Variants in CHLSN observed in about 807,000 individuals in gnomAD.
The protein encoded by CHLSN is protein cholesin.
chr7:990,465 G>A, the CHLSN span, among the ~76,000 whole-genome samples: 2 of 151,938 alleles, frequency 1.3e-5, no homozygotes, highest in Non-Finnish European at 2.9e-5. Context: ...AGCGGCAGGC[G>A]GCCCCTCACC....
chr7:1,024,460 G>C, the CHLSN span: 2 of 152,282 alleles, frequency 1.3e-5, no homozygotes, highest in Admixed American at 1.3e-4. Context: ...GGGGACAAGA[G>C]AGACGCAGAA....
chr7:1,071,775 G>T, the CHLSN span, among the ~76,000 whole-genome samples: 1 of 152,232 alleles, frequency 6.6e-6, no homozygotes, highest in Non-Finnish European at 1.5e-5. Flanking sequence ...CATGGGACAA[G>T]GTGGAATGGC....
At chr7:1,071,046 G>A in the CHLSN span, among the ~76,000 whole-genome samples, 2 of 152,326 alleles carry the variant, frequency 1.3e-5, no homozygotes, top group East Asian at 1.9e-4. Context: ...ATGCAGCCCC[G>A]AGGCAGTGCC....
At chr7:999,253 G>A in the CHLSN span, among the ~76,000 whole-genome samples, 1 of 152,252 alleles carries the variant, frequency 6.6e-6, no homozygotes, top group East Asian at 1.9e-4. Context: ...AAACCCAGTT[G>A]TCCCTGGCTC....
the CHLSN span, among the ~76,000 whole-genome samples, chr7:1,054,863 CTGTGCCTCTGA>C: frequency 5.9e-5 from 9 of 152,264 alleles, no homozygotes; most frequent in Non-Finnish European, 1.5e-5. Context: ...TCGGCCTCCG[CTGTGCCTCTGA>C]GGACTCCTGT....
At chr7:1,028,877 A>G in the CHLSN span, 1 of 613,076 alleles carries the variant, frequency 1.6e-6, no homozygotes, top group Non-Finnish European at 1.8e-6. Context: ...AATCTGCCCC[A>G]TCTCTCCCCA....
At chr7:1,133,392 C>CAAA in the CHLSN span, among the ~76,000 whole-genome samples, 4,639 of 90,898 alleles carry the variant, frequency 0.051, 189 homozygotes, top group African/African-American at 0.12. Context: ...CGATATACTG[C>CAAA]AAAAAAAAAA....
chr7:1,104,332 G>A, the CHLSN span, among the ~76,000 whole-genome samples: 13 of 152,224 alleles, frequency 8.5e-5, no homozygotes, highest in African/African-American at 3.1e-4. Context: ...CCAGGACTTC[G>A]AGGCTGCAGT....
chr7:1,064,157 C>T, the CHLSN span, among the ~76,000 whole-genome samples: 1 of 152,338 alleles, frequency 6.6e-6, no homozygotes, highest in East Asian at 1.9e-4. Flanking sequence ...CACACAAACA[C>T]ACACGTCTGT....
At chr7:1,092,637 C>A in the CHLSN span, 4 of 1,612,742 alleles carry the variant, frequency 2.5e-6, no homozygotes, top group African/African-American at 1.3e-5. Flanking sequence ...ATGCCCACCC[C>A]CTCACGGGCC....
At chr7:1,114,955 T>G in the CHLSN span, among the ~76,000 whole-genome samples, 1 of 152,196 alleles carries the variant, frequency 6.6e-6, no homozygotes, top group African/African-American at 2.4e-5. Context: ...AGCAACCCCA[T>G]AAGCACCAAA....
the CHLSN span, chr7:988,732 C>A: frequency 6.3e-7 from 1 of 1,599,490 alleles, no homozygotes; most frequent in Non-Finnish European, 8.5e-7. Flanking sequence ...CCCCGCCTGG[C>A]GTCAGTCCGG....
the CHLSN span, among the ~76,000 whole-genome samples, chr7:1,077,291 G>A: frequency 6.6e-6 from 1 of 152,238 alleles, no homozygotes; most frequent in Non-Finnish European, 1.5e-5. Flanking sequence ...AAGTAGCTGG[G>A]ACTACAGGCT....
the CHLSN span, among the ~76,000 whole-genome samples, chr7:1,079,931 C>T: frequency 6.6e-6 from 1 of 152,240 alleles, no homozygotes; most frequent in African/African-American, 2.4e-5. Flanking sequence ...TGGGGAGTTC[C>T]CCCAGGCCCC....
the CHLSN span, among the ~76,000 whole-genome samples, chr7:999,646 CTG>C: frequency 6.6e-6 from 1 of 152,254 alleles, no homozygotes; most frequent in Admixed American, 6.5e-5. Context: ...TGTCCCAGGG[CTG>C]TGAGTGGGGC....
the CHLSN span, among the ~76,000 whole-genome samples, chr7:1,107,741 C>T: frequency 2.0e-5 from 3 of 152,196 alleles, no homozygotes; most frequent in Non-Finnish European, 4.4e-5. Context: ...TGCACTGGAG[C>T]CCCACGCCCC....
At chr7:1,075,673 C>T in the CHLSN span, among the ~76,000 whole-genome samples, 4 of 147,394 alleles carry the variant, frequency 2.7e-5, no homozygotes, top group Non-Finnish European at 6.0e-5. Context: ...AGTGCAGTGG[C>T]GCAATCTCAG....
At chr7:1,063,626 C>T in the CHLSN span, among the ~76,000 whole-genome samples, 12 of 152,376 alleles carry the variant, frequency 7.9e-5, no homozygotes, top group African/African-American at 1.4e-4. Flanking sequence ...CAGCCGCGCA[C>T]GCTCACCAAG....
the CHLSN span, among the ~76,000 whole-genome samples, chr7:1,130,137 G>C: frequency 6.6e-6 from 1 of 152,208 alleles, no homozygotes; most frequent in African/African-American, 2.4e-5. Flanking sequence ...GGGTGGATGC[G>C]GCATTCAAGG....
Sources: gnomAD v4.1 joint callset for allele counts (sites outside exome capture counted in the v4.1 genomes callset) on GRCh38, gnomAD v4.1.1 for gene constraint, MANE v1.5 for transcripts, NCBI Gene and HGNC (gene_info 2026-07-23, HGNC 2026-07-21) for gene names.